CX3CR1: variants seen among roughly 807,000 people sequenced by gnomAD.
CX3CR1 encodes the protein CX3C chemokine receptor 1.
For synonymous variants in CX3CR1, 168 were observed against 178.5 expected (o/e 0.94, Z 0.47); for missense variants, 363 against 432.4 (o/e 0.84, Z 1.42).
upstream of CX3CR1, among the ~76,000 whole-genome samples, chr3:39,283,394 T>A (rs2040920413): frequency 6.6e-6 from 1 of 152,158 alleles, no homozygotes. Context: ...TGGAAGGTTC[T>A]TGTGCTTTAT....
chr3:39,277,239 C>T (rs1392733385), intron 1 of CX3CR1, among the ~76,000 whole-genome samples: 1 of 152,152 alleles, frequency 6.6e-6, no homozygotes, highest in Non-Finnish European at 1.5e-5. Flanking sequence ...GCCAGCGTGC[C>T]GTGAGAATCC....
chr3:39,267,929 C>T (rs1484937021), intron 1 of CX3CR1, among the ~76,000 whole-genome samples: 1 of 152,258 alleles, frequency 6.6e-6, no homozygotes, highest in South Asian at 2.1e-4. Flanking sequence ...CACACGGCTC[C>T]TCTGGGCGTC....
chr3:39,274,055 T>C (rs2040810491), intron 1 of CX3CR1, among the ~76,000 whole-genome samples: 1 of 152,200 alleles, frequency 6.6e-6, no homozygotes, highest in African/African-American at 2.4e-5. Flanking sequence ...GGGCACAGCC[T>C]GTGAGCATTC....
chr3:39,289,412 C>T, the CX3CR1 span, among the ~76,000 whole-genome samples: 1 of 152,188 alleles, frequency 6.6e-6, no homozygotes, highest in African/African-American at 2.4e-5. Flanking sequence ...AGTGGAGCCT[C>T]TCAGAGTAGC....
the CX3CR1 span, among the ~76,000 whole-genome samples, chr3:39,288,076 C>T: frequency 6.6e-6 from 1 of 152,066 alleles, no homozygotes; most frequent in South Asian, 2.1e-4. Flanking sequence ...TCTCTGGGAA[C>T]CTAGCTTGGG....
chr3:39,280,327 G>A (rs1348913240), upstream of CX3CR1: 1 of 985,464 alleles, frequency 1.0e-6, no homozygotes, highest in African/African-American at 1.7e-5. Context: ...TTAATGGGGA[G>A]CCTTCAGGAA....
Position 39,266,179 on chromosome 3 carries a change from T to C in CX3CR1, c.331A>G (p.Ile111Val), listed in dbSNP as rs2040697019. 2 of 1,614,060 alleles carry C rather than the reference T, an allele frequency of 1.2e-6. No homozygotes were observed. The highest frequency in any genetic ancestry group is 1.7e-5 in the Admixed American group (1 of 60,008). The change falls in exon 2 of 2, where the codon ATC becomes GTC. Residue 111 changes from isoleucine (I) to valine (V), a missense_variant. Physicochemically the swap from Ile to Val is conservative, Grantham distance 29 (BLOSUM62 3). Transcript: ENST00000399220. ...MCKFTTAFFF[I>V]GFFGSIFFIT... ...AAGAATATGCTTCCAAAAAAGCCGA[T>C]GAAGAAGAAGGCGGTAGTGAATTTG...
upstream of CX3CR1, chr3:39,281,174 A>T: frequency 9.8e-7 from 1 of 1,016,160 alleles, no homozygotes; most frequent in Non-Finnish European, 1.2e-6. Flanking sequence ...TGGCCTGCTC[A>T]TGGTGGAAGA....
chr3:39,276,779 AT>A (rs2040845580), intron 1 of CX3CR1, among the ~76,000 whole-genome samples: 1 of 152,380 alleles, frequency 6.6e-6, no homozygotes, highest in East Asian at 1.9e-4. Flanking sequence ...GAATCCAAAT[AT>A]GAAGATCAAA....
At chr3:39,268,198 A>T (rs531086444) in intron 1 of CX3CR1, among the ~76,000 whole-genome samples, 1 of 152,264 alleles carries the variant, frequency 6.6e-6, no homozygotes, top group Admixed American at 6.5e-5. Flanking sequence ...CTCTCCTGGG[A>T]TAAGTGGGCC....
At chr3:39,280,589 G>A (rs1172018357), upstream of CX3CR1, 9 of 527,318 alleles carry the variant, frequency 1.7e-5, no homozygotes, top group Admixed American at 6.4e-5. Flanking sequence ...CATCTAGTGA[G>A]TACCTTGCAC....
At chr3:39,268,296 C>T (rs2040729907) in intron 1 of CX3CR1, among the ~76,000 whole-genome samples, 1 of 152,222 alleles carries the variant, frequency 6.6e-6, no homozygotes, top group Non-Finnish European at 1.5e-5. Context: ...GGCTACAATG[C>T]CCTTTTCTCA....
chr3:39,292,962 A>G, the CX3CR1 span, among the ~76,000 whole-genome samples: 1 of 152,252 alleles, frequency 6.6e-6, no homozygotes, highest in Non-Finnish European at 1.5e-5. Context: ...TAGAAACAAA[A>G]CAAAACAAAA....
chr3:39,283,412 A>G (rs2040920520), upstream of CX3CR1, among the ~76,000 whole-genome samples: 1 of 152,132 alleles, frequency 6.6e-6, no homozygotes, highest in African/African-American at 2.4e-5. Flanking sequence ...TATGTATAAA[A>G]CACAGATATA....
the CX3CR1 span, among the ~76,000 whole-genome samples, chr3:39,291,013 C>T: frequency 3.3e-5 from 5 of 151,958 alleles, no homozygotes; most frequent in South Asian, 2.1e-4. Flanking sequence ...CTTTATCTTA[C>T]GTAAACATTT....
chr3:39,277,809 T>G (rs920856998), intron 1 of CX3CR1, among the ~76,000 whole-genome samples: 3 of 152,192 alleles, frequency 2.0e-5, no homozygotes, highest in Non-Finnish European at 2.9e-5. Context: ...AGCTCTGGAT[T>G]CTTCACAACC....
the CX3CR1 span, among the ~76,000 whole-genome samples, chr3:39,288,104 C>A: frequency 3.9e-5 from 6 of 152,032 alleles, no homozygotes; most frequent in Admixed American, 3.9e-4. Flanking sequence ...ATTTTTAAAC[C>A]TCAGTATGTT....
Position 39,265,759 on chromosome 3 carries a change from T to C in CX3CR1, c.751A>G (p.Ile251Val). 1 of 1,614,094 alleles carries C rather than the reference T, an allele frequency of 6.2e-7. No homozygotes were observed. The highest frequency in any genetic ancestry group is 2.2e-5 in the East Asian group (1 of 44,892). The change falls in exon 2 of 2, where the codon ATT (isoleucine) becomes GTT (valine). Residue 251 changes from isoleucine to valine, a missense_variant. Ile to Val is a conservative substitution (Grantham distance 29). Coordinates refer to ENST00000399220, the MANE Select transcript of CX3CR1 (RefSeq NM_001337.4). Reference sequence around the variant, plus strand: ...TAGAGCTTAAGCGTCTCCAGGAAAATCATAACGTTGTAGGGTGTCCAGAAG... The same window carrying C: ...TAGAGCTTAAGCGTCTCCAGGAAAACCATAACGTTGTAGGGTGTCCAGAAG... The part of the protein sequence containing the change: ...FLFWTPYNVM[I>V]FLETLKLYDF...
chr3:39,265,855 A>T lies in CX3CR1; in HGVS notation c.655T>A (p.Phe219Ile). Residue 219 changes from phenylalanine (F) to isoleucine (I), a missense_variant, in exon 2 of 2, where the codon TTT becomes ATT. Phe to Ile is a conservative substitution (Grantham distance 21, BLOSUM62 0). Coordinates refer to ENST00000399220, the MANE Select transcript of CX3CR1 (RefSeq NM_001337.4). ...YCYFRIIQTL[F>I]SCKNHKKAKA... ...GCTTTCTTGTGGTTCTTGCAGGAAA[A>T]CAGCGTCTGGATGATTCTGAAGTAG... 2 of 1,614,222 alleles carry T rather than the reference A, an allele frequency of 1.2e-6. No individual in the cohort carries two copies. Among genetic ancestry groups the T allele is most frequent in the East Asian group, 2.2e-5 (1 of 44,876 alleles).
Sources: gnomAD v4.1 joint callset for allele counts (sites outside exome capture counted in the v4.1 genomes callset) on GRCh38, gnomAD v4.1.1 for gene constraint, MANE v1.5 for transcripts, NCBI Gene and HGNC (gene_info 2026-07-23, HGNC 2026-07-21) for gene names.